Variants in AFF1 observed in about 807,000 individuals in gnomAD.
AFF1 encodes the protein ALF transcription elongation factor 1, also known as AF4/FMR2 family member 1.
In AFF1, 48 loss-of-function variants were observed where a neutral mutation model predicts 121.7. That is an observed-to-expected ratio of 0.39 (90% CI 0.31 to 0.50). The LOEUF (loss-of-function observed/expected upper bound fraction) is 0.50, where lower values mean the gene tolerates loss of function less well. Ranked by LOEUF, AFF1 falls within the 20% of genes least tolerant of loss-of-function variation. The pLI is 0.76. For missense variants in AFF1, 1,523 were observed against 1,511.7 expected (o/e 1.01, Z -0.12); for synonymous variants, 613 against 563.0 (o/e 1.09, Z -1.26).
At chr4:87,103,137 G>T (rs1725591381) in intron 8 of AFF1, among the ~76,000 whole-genome samples, 1 of 152,150 alleles carries the variant, frequency 6.6e-6, no homozygotes, top group South Asian at 2.1e-4. Context: ...CTTAAAAAAA[G>T]TAGATGTTGT....
At chr4:87,132,454 CTTTA>C (rs1560664487) in intron 19 of AFF1, 46 bp downstream of exon 19, 1 of 1,544,686 alleles carries the variant, frequency 6.5e-7, no homozygotes, top group Non-Finnish European at 8.7e-7. Context: ...TGAGTCATTT[CTTTA>C]TTTACTTCTT....
At chr4:87,056,189 C>T (rs2149638505) in intron 4 of AFF1, among the ~76,000 whole-genome samples, 1 of 152,118 alleles carries the variant, frequency 6.6e-6, no homozygotes, top group South Asian at 2.1e-4. Flanking sequence ...ATCTAGAGGC[C>T]TCAGTATTTA....
intron 1 of AFF1, among the ~76,000 whole-genome samples, chr4:86,937,718 A>C (rs1720126155): frequency 1.4e-5 from 2 of 139,620 alleles, no homozygotes; most frequent in Non-Finnish European, 1.5e-5. Flanking sequence ...AATAGCTGGG[A>C]TTACAAGCAT....
chr4:87,040,841 G>T (rs1018173139), intron 2 of AFF1, among the ~76,000 whole-genome samples: 1 of 148,730 alleles, frequency 6.7e-6, no homozygotes, highest in African/African-American at 2.5e-5. Flanking sequence ...CCAAAGTGCT[G>T]GGATTACAGG....
chr4:87,073,665 T>G (rs891399735), intron 4 of AFF1, among the ~76,000 whole-genome samples: 2 of 152,244 alleles, frequency 1.3e-5, no homozygotes, highest in Non-Finnish European at 2.9e-5. Flanking sequence ...CTCATATGAC[T>G]GCAGTTTCTT....
intron 2 of AFF1, among the ~76,000 whole-genome samples, chr4:86,984,353 A>G (rs1270687133): frequency 3.2e-5 from 4 of 123,592 alleles, no homozygotes; most frequent in Non-Finnish European, 6.4e-5. Flanking sequence ...TTTGTGACTG[A>G]GTCTTGCTCT....
intron 2 of AFF1, among the ~76,000 whole-genome samples, chr4:86,995,835 C>T (rs952587842): frequency 6.6e-6 from 1 of 151,610 alleles, no homozygotes; most frequent in African/African-American, 2.4e-5. Context: ...AGGAGCGTCT[C>T]TGCCTGGCCG....
At chr4:87,105,346 T>G (rs998841109) in intron 8 of AFF1, among the ~76,000 whole-genome samples, 4 of 152,224 alleles carry the variant, frequency 2.6e-5, no homozygotes, top group African/African-American at 9.6e-5. Context: ...GTAGTTCTGC[T>G]TCAGTGTTGT....
intron 2 of AFF1, among the ~76,000 whole-genome samples, chr4:87,028,510 G>T (rs1728752420): frequency 1.3e-5 from 2 of 151,990 alleles, no homozygotes; most frequent in South Asian, 4.2e-4. Flanking sequence ...CTTCCTCTCA[G>T]GGTGTCATTT....
At chr4:87,020,218 ACTTCT>A (rs1051757452) in intron 2 of AFF1, among the ~76,000 whole-genome samples, 14 of 152,204 alleles carry the variant, frequency 9.2e-5, no homozygotes, top group African/African-American at 2.9e-4. Flanking sequence ...TCTCTTTTGT[ACTTCT>A]CTTCACAGTT....
intron 8 of AFF1, among the ~76,000 whole-genome samples, chr4:87,102,227 G>A (rs895675857): frequency 5.9e-5 from 9 of 152,284 alleles, no homozygotes; most frequent in African/African-American, 1.7e-4. Context: ...TAGGTAATAC[G>A]GTTGTATATG....
chr4:87,010,870 C>T (rs753425124), intron 2 of AFF1, among the ~76,000 whole-genome samples: 1 of 152,010 alleles, frequency 6.6e-6, no homozygotes, highest in Admixed American at 6.6e-5. Flanking sequence ...AGGCGGATCA[C>T]GAGGTTAGGA....
intron 2 of AFF1, among the ~76,000 whole-genome samples, chr4:86,982,848 C>CAAAAAAAAAAAAAAAAAAAA (rs59568294): frequency 5.6e-5 from 3 of 53,804 alleles, no homozygotes; most frequent in African/African-American, 2.0e-4. Context: ...ACTCTGTCTC[C>CAAAAAAAAAAAAAAAAAAAA]AAAAAAAAAA....
chr4:86,985,314 C>T, intron 2 of AFF1, among the ~76,000 whole-genome samples: 1 of 149,720 alleles, frequency 6.7e-6, no homozygotes, highest in South Asian at 2.1e-4. Flanking sequence ...AGTTTGAGAC[C>T]AGCCTGGCCA....
At chr4:87,043,368 T>C (rs1730351194) in intron 2 of AFF1, among the ~76,000 whole-genome samples, 1 of 152,144 alleles carries the variant, frequency 6.6e-6, no homozygotes, top group South Asian at 2.1e-4. Context: ...GAATAGAAGC[T>C]TAGATGCTCA....
chr4:87,126,944 G>C lies in AFF1; in HGVS notation c.2812-82G>C, dbSNP rs1422034518. 3.4e-6 allele frequency: 4 copies of C among 1,179,708 alleles called. No homozygotes were observed. The East Asian group carries it at 9.4e-5, about 28-fold the overall frequency. 73.1% of individuals were successfully genotyped at this position (1,179,708 alleles called of 1,614,324 possible). On this transcript the variant is annotated intron_variant, in intron 14 of 20. Coordinates refer to ENST00000395146, the MANE Select transcript of AFF1 (RefSeq NM_001166693.3). ...ACTCTTTTTTGAAACTACTATTTCGGGCTATTTAAGAGGGATGGTACTTTT... is the reference window on the plus strand; with the variant it reads ...ACTCTTTTTTGAAACTACTATTTCGCGCTATTTAAGAGGGATGGTACTTTT...
At chr4:87,085,486 G>A (rs546260010) in intron 5 of AFF1, among the ~76,000 whole-genome samples, 1 of 150,212 alleles carries the variant, frequency 6.7e-6, no homozygotes, top group East Asian at 2.0e-4. Context: ...AAATGTGACT[G>A]TTAATTTGAA....
chr4:87,047,264 C>G lies in AFF1; in HGVS notation c.729C>G (p.Asn243Lys). The G allele has an allele frequency of 6.2e-7, 1 of 1,614,186 alleles. No individual in the cohort carries two copies. The highest frequency in any genetic ancestry group is 8.5e-7 in the Non-Finnish European group (1 of 1,180,034). ...GCAAGGTTCATGGCAGCAGCAATAA[C>G]AGTAAAGGCTATTGCCCAGCCAAAT... ...GSSKVHGSSN[N>K]SKGYCPAKSP... is the part of the protein sequence containing the mutation. Residue 243 changes from asparagine (N) to lysine (K), a missense_variant, in exon 4 of 21, where the codon AAC becomes AAG. This residue lies in a region of AFF1 where 369 missense variants were observed against 367.2 expected (regional missense o/e 1.00). Coordinates refer to ENST00000395146, the MANE Select transcript of AFF1 (RefSeq NM_001166693.3).
chr4:86,938,342 C>T (rs1421385580), intron 1 of AFF1, among the ~76,000 whole-genome samples: 2 of 150,642 alleles, frequency 1.3e-5, no homozygotes, highest in Non-Finnish European at 2.9e-5. Flanking sequence ...TACGCTTCCT[C>T]GGGAGGCTAA....
Sources: gnomAD v4.1 joint callset for allele counts (sites outside exome capture counted in the v4.1 genomes callset) on GRCh38, gnomAD v4.1.1 for gene constraint, gnomAD v4.1.1 regional missense constraint, MANE v1.5 for transcripts, NCBI Gene and HGNC (gene_info 2026-07-23, HGNC 2026-07-21) for gene names.